The following CUEDC1 variants were observed in gnomAD, a reference collection of about 807,000 sequenced individuals.
CUEDC1 encodes the protein CUE domain-containing protein 1.
A neutral mutation model predicts 43.7 loss-of-function variants in CUEDC1; 30 were observed. The ratio of observed to expected loss-of-function variants is 0.69; its 90% CI spans 0.51 to 0.93. The LOEUF (loss-of-function observed/expected upper bound fraction) is 0.93, where lower values mean the gene tolerates loss of function less well. Ranked by LOEUF, CUEDC1 falls within the 40% of genes least tolerant of loss-of-function variation. CUEDC1 has a pLI of 0.00. For synonymous variants in CUEDC1, 223 were observed against 223.6 expected, an observed-to-expected ratio of 1.00 and a Z score of 0.02; for missense variants, 486 against 549.0, an observed-to-expected ratio of 0.89 and a Z score of 1.15.
intron 9 of CUEDC1, 81 bp from the exon 10 acceptor site, chr17:57,866,625 C>CGGGTCAGCTCTCT: frequency 4.4e-6 from 6 of 1,365,702 alleles, no homozygotes; most frequent in Non-Finnish European, 5.2e-6. Flanking sequence ...GGCAAGAGAG[C>CGGGTCAGCTCTCT]TGACCCGACT....
chr17:57,873,826 C>G, intron 3 of CUEDC1, 109 bp from the exon 4 acceptor site: 2 of 1,160,738 alleles, frequency 1.7e-6, no homozygotes, highest in Middle Eastern at 3.1e-4. Flanking sequence ...TCAGAGATTC[C>G]CATGGCCTCC....
Position 57,871,378 on chromosome 17 carries a change from G to A in CUEDC1, c.785-9C>T. 6.2e-7 allele frequency: 1 copy of A among 1,612,690 alleles called. No individual in the cohort carries two copies. Among genetic ancestry groups the A allele is most frequent in the Non-Finnish European group, 8.5e-7 (1 of 1,179,284 alleles). ...TTCGTATTTCAATCGATCTGGAAAA[G>A]GACCACATTCACAGGTCAGGGAGGT... On this transcript the variant is annotated splice_polypyrimidine_tract_variant and intron_variant, in intron 5 of 10. Coordinates refer to ENST00000577830, the MANE Select transcript of CUEDC1 (RefSeq NM_001271875.2).
chr17:57,865,161 AG>A (rs2073939131), intron 10 of CUEDC1, among the ~76,000 whole-genome samples: 1 of 152,230 alleles, frequency 6.6e-6, no homozygotes, highest in African/African-American at 2.4e-5. Context: ...AGGAAGGAGA[AG>A]GGCGTGGAGA....
intron 2 of CUEDC1, among the ~76,000 whole-genome samples, chr17:57,885,009 G>A (rs2074267333): frequency 6.6e-6 from 1 of 152,254 alleles, no homozygotes; most frequent in Non-Finnish European, 1.5e-5. Context: ...AGTGTTTGTT[G>A]AATGACTGCA....
intron 3 of CUEDC1, among the ~76,000 whole-genome samples, chr17:57,878,923 TC>T (rs1568032567): frequency 6.6e-6 from 1 of 152,296 alleles, no homozygotes; most frequent in South Asian, 2.1e-4. Context: ...CACCTTGGCC[TC>T]CCAAAGTGCT....
At chr17:57,924,984 C>T (rs2143127194) in intron 1 of CUEDC1, among the ~76,000 whole-genome samples, 1 of 152,190 alleles carries the variant, frequency 6.6e-6, no homozygotes. Flanking sequence ...AAACACTGTA[C>T]AGCCACTTAA....
intron 1 of CUEDC1, among the ~76,000 whole-genome samples, chr17:57,935,253 C>G (rs1669347132): frequency 6.6e-6 from 1 of 152,112 alleles, no homozygotes; most frequent in African/African-American, 2.4e-5. Context: ...ATGAGCAATC[C>G]TTAAAGACCT....
intron 9 of CUEDC1, 69 bp downstream of exon 9, chr17:57,867,288 C>T (rs1054038595): frequency 2.0e-6 from 3 of 1,470,112 alleles, no homozygotes; most frequent in Non-Finnish European, 2.8e-6. Context: ...CCATGAAACA[C>T]CCAGGAACTC....
chr17:57,879,852 G>T, intron 2 of CUEDC1, 114 bp from the exon 3 acceptor site: 1 of 1,060,138 alleles, frequency 9.4e-7, no homozygotes, highest in Non-Finnish European at 1.4e-6. Flanking sequence ...TCTGTGTGTT[G>T]CTAGTGGGAG....
intron 10 of CUEDC1, among the ~76,000 whole-genome samples, chr17:57,864,883 T>A (rs368120446): frequency 2.9e-4 from 44 of 152,232 alleles, no homozygotes; most frequent in African/African-American, 8.9e-4. Flanking sequence ...CAAAAATCCA[T>A]CTCTACTAAA....
At chr17:57,944,976 G>T (rs921464158) in intron 1 of CUEDC1, among the ~76,000 whole-genome samples, 2 of 152,198 alleles carry the variant, frequency 1.3e-5, no homozygotes, top group Non-Finnish European at 2.9e-5. Context: ...AAGGCCAGGG[G>T]TCACACTGGC....
At chr17:57,884,192 C>CTTTTT (rs780667346) in intron 2 of CUEDC1, among the ~76,000 whole-genome samples, 390 of 81,270 alleles carry the variant, frequency 4.8e-3, no homozygotes, top group Middle Eastern at 0.011. Flanking sequence ...TTTTTCTTTT[C>CTTTTT]TTTTTTTTTT....
chr17:57,899,507 G>T (rs939248016), intron 1 of CUEDC1, among the ~76,000 whole-genome samples: 2 of 152,190 alleles, frequency 1.3e-5, no homozygotes, highest in Non-Finnish European at 2.9e-5. Context: ...AGTGGCTGCA[G>T]CACTGGGATT....
chr17:57,931,678 A>T (rs2074805298), intron 1 of CUEDC1, among the ~76,000 whole-genome samples: 2 of 152,074 alleles, frequency 1.3e-5, no homozygotes, highest in African/African-American at 2.4e-5. Flanking sequence ...CTTTACTCAC[A>T]CAGGGCCAAG....
Position 57,911,091 on chromosome 17 carries a change from T to C in CUEDC1, c.-315-25212A>G, listed in dbSNP as rs561268821. On this transcript the variant is annotated intron_variant, in intron 1 of 10. Coordinates refer to ENST00000577830, the MANE Select transcript of CUEDC1 (RefSeq NM_001271875.2). ...ATCCCTCCCTCTGCATCAGCGGTCC[T>C]CATGCTCAGCAAGCATCACTGTCAC... Among the ~76,000 whole-genome samples, 60 of 152,312 alleles carry C rather than the reference T, an allele frequency of 3.9e-4. No homozygotes were observed. The South Asian group carries it at 0.012, about 32-fold the overall frequency.
At chr17:57,873,486 TG>T in intron 4 of CUEDC1, 104 bp downstream of exon 4, 1 of 1,316,570 alleles carries the variant, frequency 7.6e-7, no homozygotes, top group Non-Finnish European at 1.0e-6. Context: ...TAGCTCAGCC[TG>T]GGTTTAAACA....
intron 1 of CUEDC1, among the ~76,000 whole-genome samples, chr17:57,890,927 C>T (rs1005526572): frequency 1.3e-5 from 2 of 152,184 alleles, no homozygotes; most frequent in Admixed American, 6.5e-5. Flanking sequence ...ACCTCAGCTC[C>T]CTCATTTGTA....
chr17:57,951,229 G>A (rs913226468), intron 1 of CUEDC1, among the ~76,000 whole-genome samples: 3 of 151,844 alleles, frequency 2.0e-5, no homozygotes, highest in African/African-American at 4.8e-5. Context: ...TAATAGCTTC[G>A]ATGTAATGAA....
intron 1 of CUEDC1, among the ~76,000 whole-genome samples, chr17:57,900,720 T>G (rs2074462466): frequency 6.6e-6 from 1 of 152,212 alleles, no homozygotes; most frequent in Non-Finnish European, 1.5e-5. Flanking sequence ...ACATTGAAAT[T>G]GCATGTACAT....
Sources: allele counts gnomAD v4.1 joint callset (sites outside exome capture counted in the v4.1 genomes callset), GRCh38; gene constraint gnomAD v4.1.1; transcripts MANE v1.5; gene names NCBI Gene and HGNC (gene_info 2026-07-23, HGNC 2026-07-21).